The following ABTB2 variants were observed in gnomAD, a reference collection of about 807,000 sequenced individuals.
The protein encoded by ABTB2 is ankyrin repeat and BTB domain containing 2, also known as ankyrin repeat and BTB/POZ domain-containing protein 2.
A neutral mutation model predicts 104.1 loss-of-function variants in ABTB2; 56 were observed. The observed-to-expected ratio is 0.54, with a 90% confidence interval of 0.43 to 0.67. The LOEUF is 0.67. Among genes scored for constraint, ABTB2 ranks in the 30% least tolerant of loss-of-function variants. The pLI is 0.00. For missense variants in ABTB2, 1,279 were observed against 1,407.7 expected (o/e 0.91, Z 1.46); for synonymous variants, 606 against 608.2 (o/e 1.00, Z 0.05).
In ABTB2 at chr11:34,159,307, G is replaced by T; in HGVS notation, c.2686C>A (p.His896Asn). ...CAAGACCCACACACCTGAAAAATGT[G>T]GTACTTCATGTCGCTGATCTCGATG... The part of the protein sequence containing the change: ...KTIEISDMKY[H>N]IFQMMMQYLY... The change falls in exon 14 of 17, where the codon CAC becomes AAC. Residue 896 changes from histidine (H) to asparagine (N), a missense_variant. His to Asn is a moderately conservative substitution (Grantham distance 68, BLOSUM62 1). Transcript: ENST00000435224. 1.2e-6 allele frequency: 2 copies of T among 1,613,482 alleles called. No individual in the cohort carries two copies. Among genetic ancestry groups the T allele is most frequent in the Non-Finnish European group, 1.7e-6 (2 of 1,179,486 alleles).
At chr11:34,355,821 T>G (rs1350885657) in intron 1 of ABTB2, among the ~76,000 whole-genome samples, 2 of 152,224 alleles carry the variant, frequency 1.3e-5, no homozygotes, top group African/African-American at 4.8e-5. Flanking sequence ...GAAAAGGTCA[T>G]GTGCTTTGTT....
In ABTB2 at chr11:34,197,452, GCTGGCGGGC is replaced by G. The variant is rs746376426; in HGVS notation, c.1108_1116del (p.Ala370_Gln372del). The G allele has an allele frequency of 9.4e-6, 15 of 1,598,314 alleles. No homozygotes were observed. The highest frequency in any genetic ancestry group is 1.3e-5 in the Non-Finnish European group (15 of 1,171,366). ...GGGGACCAAGTGATGGGCTGTGGCG[GCTGGCGGGC>G]CTGGCGGGCAGGGCTGGCACCCGGG... On this transcript the variant is annotated inframe_deletion, in exon 3 of 17. Transcript: ENST00000435224.
At chr11:34,197,289 G>A (rs376728673) in intron 3 of ABTB2, 36 bp downstream of exon 3, 51 of 1,601,448 alleles carry the variant, frequency 3.2e-5, no homozygotes, top group African/African-American at 4.0e-5. Flanking sequence ...TTGGGAGCAC[G>A]TCCCACCAGG....
chr11:34,300,180 T>C (rs903191358), intron 1 of ABTB2, among the ~76,000 whole-genome samples: 1 of 152,210 alleles, frequency 6.6e-6, no homozygotes, highest in Non-Finnish European at 1.5e-5. Flanking sequence ...TCAGCATGAA[T>C]ACCCTCCATT....
intron 1 of ABTB2, among the ~76,000 whole-genome samples, chr11:34,297,189 G>A (rs1054956479): frequency 6.6e-6 from 1 of 152,160 alleles, no homozygotes; most frequent in Non-Finnish European, 1.5e-5. Flanking sequence ...CCGGCACACA[G>A]TAGGTGTTCC....
chr11:34,328,079 G>A (rs974875543), intron 1 of ABTB2, among the ~76,000 whole-genome samples: 1 of 152,176 alleles, frequency 6.6e-6, no homozygotes, highest in African/African-American at 2.4e-5. Flanking sequence ...TAAAGATTTG[G>A]TTTGTGCTTG....
intron 1 of ABTB2, among the ~76,000 whole-genome samples, chr11:34,255,313 CCCT>C (rs1462404188): frequency 6.6e-6 from 1 of 152,100 alleles, no homozygotes; most frequent in Non-Finnish European, 1.5e-5. Flanking sequence ...CTCACCTTTC[CCCT>C]CAACTCTGGG....
intron 2 of ABTB2, among the ~76,000 whole-genome samples, chr11:34,202,775 G>T (rs186098939): frequency 1.3e-5 from 2 of 152,252 alleles, no homozygotes; most frequent in Non-Finnish European, 2.9e-5. Context: ...GGAGGCGGAG[G>T]TTGCAGTGAG....
chr11:34,354,659 C>A (rs1267728212), intron 1 of ABTB2, among the ~76,000 whole-genome samples: 1 of 152,218 alleles, frequency 6.6e-6, no homozygotes. Context: ...GTGTCCTGGG[C>A]AGGGAGTTGG....
Position 34,154,899 on chromosome 11 carries a change from T to TCTCC in ABTB2, c.2698-134_2698-131dup, listed in dbSNP as rs1338582564. 1.3e-6 allele frequency: 1 copy of TCTCC among 772,062 alleles called. No individual in the cohort carries two copies. The highest frequency in any genetic ancestry group is 2.1e-6 in the Non-Finnish European group (1 of 470,476). 47.8% of individuals were successfully genotyped at this position (772,062 alleles called of 1,614,324 possible). A position where few individuals can be genotyped will look rare whatever the true frequency, so the allele number is the denominator to read the frequency against. On this transcript the variant is annotated intron_variant, in intron 14 of 16. Transcript: ENST00000435224. The surrounding 1 kb of genome is among the most constrained non-coding windows in gnomAD (Gnocchi z 4.9). ...CCCTCTGCAGGTCCCCAGCTCTGTCTCTCCCTCCCTCTCCTGCTCAGGCTG... is the reference window on the plus strand; with the variant it reads ...CCCTCTGCAGGTCCCCAGCTCTGTCTCTCCCTCCCTCCCTCTCCTGCTCAGGCTG...
chr11:34,256,028 CACT>C (rs1030812057), intron 1 of ABTB2, among the ~76,000 whole-genome samples: 2 of 152,152 alleles, frequency 1.3e-5, no homozygotes, highest in African/African-American at 4.8e-5. Flanking sequence ...GTGCAGAACC[CACT>C]AGGTGGAGAT....
Position 34,356,514 on chromosome 11 carries a change from A to C in ABTB2, c.883+187T>G, listed in dbSNP as rs1855465900. 5.3e-5 allele frequency among the ~76,000 whole-genome samples: 8 copies of C among 152,248 alleles called. No individual in the cohort carries two copies. Among genetic ancestry groups the C allele is most frequent in the Admixed American group, 5.2e-4 (8 of 15,286 alleles). ...GAGATCATTCACAAGTTTACCCTCCAAAAGTCAGACACCCTTAGAACAATC... is the reference window on the plus strand; with the variant it reads ...GAGATCATTCACAAGTTTACCCTCCCAAAGTCAGACACCCTTAGAACAATC... On this transcript the variant is annotated intron_variant, in intron 1 of 16. Transcript: ENST00000435224. This position sits in a 1 kb window ranked among gnomAD's most constrained non-coding sequence, Gnocchi z 4.6.
chr11:34,213,162 G>A lies in ABTB2; in HGVS notation c.884-8472C>T, dbSNP rs1159199857. 2.0e-5 allele frequency among the ~76,000 whole-genome samples: 3 copies of A among 152,238 alleles called. No homozygotes were observed. The East Asian group carries it at 5.8e-4, about 29-fold the overall frequency. On this transcript the variant is annotated intron_variant, in intron 1 of 16. Transcript: ENST00000435224. ...GCTCCAGCAGGGTTAGAATTTAGAA[G>A]GATGGAGGAACTACTATAAAACTCG... is the stretch of plus-strand genomic sequence containing the variant.
chr11:34,176,848 T>A (rs7937404), intron 3 of ABTB2, among the ~76,000 whole-genome samples: 77,184 of 151,634 alleles, frequency 0.51, 20,259 homozygotes, highest in East Asian at 0.91. Flanking sequence ...TATGGGGGGA[T>A]CTTGTGTAGT....
At chr11:34,335,052 G>T in intron 1 of ABTB2, 1 of 727,584 alleles carries the variant, frequency 1.4e-6, no homozygotes. Flanking sequence ...TAGTCTGACA[G>T]TGTTTATAGA....
intron 1 of ABTB2, among the ~76,000 whole-genome samples, chr11:34,270,207 C>G (rs1403356153): frequency 1.3e-5 from 2 of 152,264 alleles, no homozygotes; most frequent in East Asian, 3.9e-4. Context: ...ATCCTAGCTC[C>G]CCGACCAAGA....
intron 1 of ABTB2, among the ~76,000 whole-genome samples, chr11:34,336,173 C>T (rs1164266853): frequency 6.6e-6 from 1 of 152,092 alleles, no homozygotes; most frequent in Non-Finnish European, 1.5e-5. Flanking sequence ...TTATTTTTTT[C>T]ACTTACTACT....
At chr11:34,218,921 G>T (rs966113159) in intron 1 of ABTB2, among the ~76,000 whole-genome samples, 20 of 146,426 alleles carry the variant, frequency 1.4e-4, no homozygotes, top group Non-Finnish European at 3.0e-4. Flanking sequence ...AGTTGACTAT[G>T]TTTATGTAGG....
chr11:34,257,611 C>T (rs970573460), intron 1 of ABTB2, among the ~76,000 whole-genome samples: 2 of 151,934 alleles, frequency 1.3e-5, no homozygotes, highest in Non-Finnish European at 2.9e-5. Flanking sequence ...TTTTTTGAGA[C>T]AGGATTTCGC....
Sources: gnomAD v4.1 joint callset for allele counts (sites outside exome capture counted in the v4.1 genomes callset) on GRCh38, gnomAD v4.1.1 for gene constraint, Gnocchi (gnomAD v3.1) non-coding constraint, MANE v1.5 for transcripts, NCBI Gene and HGNC (gene_info 2026-07-23, HGNC 2026-07-21) for gene names.